ZNF521: variants seen among roughly 807,000 people sequenced by gnomAD.
ZNF521 encodes the protein LYST-interacting protein 3.
In ZNF521, 14 loss-of-function variants were observed where a neutral mutation model predicts 105.5. That is an observed-to-expected ratio of 0.13 (90% CI 0.09 to 0.21). The LOEUF (loss-of-function observed/expected upper bound fraction) is 0.21, where lower values mean the gene tolerates loss of function less well. ZNF521 is among the 10% of genes least tolerant of loss of function. ZNF521 has a pLI of 1.00. For synonymous variants in ZNF521, 635 were observed against 606.0 expected (o/e 1.05, Z -0.70); for missense variants, 1,233 against 1,629.7 (o/e 0.76, Z 4.19).
At chr18:25,290,121 A>AT (rs1910930073) in intron 3 of ZNF521, among the ~76,000 whole-genome samples, 1 of 152,208 alleles carries the variant, frequency 6.6e-6, no homozygotes, top group Non-Finnish European at 1.5e-5. Flanking sequence ...TTTGTTTGCA[A>AT]TTTTCATAGC....
chr18:25,088,308 C>T (rs968223636), intron 7 of ZNF521, among the ~76,000 whole-genome samples: 8 of 150,854 alleles, frequency 5.3e-5, no homozygotes, highest in East Asian at 2.0e-4. Context: ...CTCCGCCTCC[C>T]GGGTTCATGC....
intron 4 of ZNF521, among the ~76,000 whole-genome samples, chr18:25,199,999 G>A (rs1047120072): frequency 1.3e-5 from 2 of 151,928 alleles, no homozygotes; most frequent in Non-Finnish European, 2.9e-5. Context: ...AAACAGTCCT[G>A]TTAAGAGTAG....
At chr18:25,349,207 C>T (rs139163969) in intron 2 of ZNF521, among the ~76,000 whole-genome samples, 1,625 of 152,274 alleles carry the variant, frequency 0.011, 20 homozygotes, top group Non-Finnish European at 0.017. Flanking sequence ...GAGGTTTGTC[C>T]TGGTACTTCG....
At chr18:25,236,968 G>T (rs373752845) in intron 3 of ZNF521, among the ~76,000 whole-genome samples, 1 of 152,112 alleles carries the variant, frequency 6.6e-6, no homozygotes, top group Non-Finnish European at 1.5e-5. Flanking sequence ...AAAATAAGGC[G>T]AATTATCAAT....
chr18:25,322,839 T>C (rs1477316390), intron 2 of ZNF521, among the ~76,000 whole-genome samples: 1 of 152,168 alleles, frequency 6.6e-6, no homozygotes, highest in African/African-American at 2.4e-5. Context: ...AAATAAGATA[T>C]ATGAAAAACA....
rs578231081 is a variant in ZNF521, at chr18:25,131,632, T to C, written c.3659-39551A>G. ...CCTTTAGAAAACCACTGTGTTGCAT[T>C]TGTCTTTATATCCCTCGTATCTAGC... On this transcript the variant is annotated intron_variant, in intron 5 of 7. Coordinates refer to ENST00000361524, the MANE Select transcript of ZNF521 (RefSeq NM_015461.3). Among the ~76,000 whole-genome samples the C allele has an allele frequency of 5.3e-5, 8 of 152,284 alleles. No homozygotes were observed. In the East Asian group the frequency reaches 1.5e-3, roughly 29 times the overall value.
At chr18:25,234,402 C>T (rs1316940277) in intron 3 of ZNF521, among the ~76,000 whole-genome samples, 1 of 152,088 alleles carries the variant, frequency 6.6e-6, no homozygotes. Context: ...TATATATGAC[C>T]TCATACCACA....
At chr18:25,213,575 T>A (rs1448382951) in intron 4 of ZNF521, among the ~76,000 whole-genome samples, 2 of 152,092 alleles carry the variant, frequency 1.3e-5, no homozygotes, top group Non-Finnish European at 2.9e-5. Flanking sequence ...AAATGTAAAA[T>A]CATGAATAAA....
chr18:25,320,449 G>A (rs931822498), intron 3 of ZNF521, among the ~76,000 whole-genome samples: 3 of 152,156 alleles, frequency 2.0e-5, no homozygotes, highest in African/African-American at 7.2e-5. Context: ...AGGATTACAG[G>A]TGTGAGCCAC....
At chr18:25,311,819 A>C (rs1912326751) in intron 3 of ZNF521, among the ~76,000 whole-genome samples, 1 of 152,216 alleles carries the variant, frequency 6.6e-6, no homozygotes, top group South Asian at 2.1e-4. Flanking sequence ...TACACAACTA[A>C]GGCAAAACAA....
At chr18:25,110,541 C>T (rs1353386378) in intron 5 of ZNF521, among the ~76,000 whole-genome samples, 4 of 152,078 alleles carry the variant, frequency 2.6e-5, no homozygotes, top group South Asian at 2.1e-4. Context: ...CACCCATGAA[C>T]GAGGTAGAAG....
intron 5 of ZNF521, among the ~76,000 whole-genome samples, chr18:25,113,761 G>GAC (rs10667710): frequency 0.28 from 28,431 of 102,226 alleles, 4,040 homozygotes; most frequent in East Asian, 0.38. Context: ...AGGACGGACG[G>GAC]ACACACACAC....
intron 5 of ZNF521, among the ~76,000 whole-genome samples, chr18:25,193,537 C>T (rs1447811552): frequency 1.3e-5 from 2 of 151,994 alleles, no homozygotes. Context: ...GCCACCAACA[C>T]AGTCTACTCA....
chr18:25,081,916 G>A (rs2033504524), intron 7 of ZNF521, among the ~76,000 whole-genome samples: 1 of 152,128 alleles, frequency 6.6e-6, no homozygotes, highest in Non-Finnish European at 1.5e-5. Context: ...TGTCCTATGT[G>A]ATTAACTTTC....
intron 5 of ZNF521, among the ~76,000 whole-genome samples, chr18:25,193,933 T>C (rs1473356482): frequency 6.6e-6 from 1 of 151,898 alleles, no homozygotes; most frequent in Non-Finnish European, 1.5e-5. Flanking sequence ...AGACCTATCA[T>C]TTGAAAACTA....
intron 5 of ZNF521, among the ~76,000 whole-genome samples, chr18:25,138,431 C>T (rs1013526682): frequency 4.2e-5 from 6 of 143,822 alleles, no homozygotes; most frequent in Admixed American, 7.5e-5. Context: ...ACACGAGAAA[C>T]GGATCATTAA....
At position 25,226,291 on chromosome 18, in the gene ZNF521, G is replaced by C; in HGVS notation, c.1627C>G (p.Arg543Gly). Residue 543 changes from arginine (R) to glycine (G), a missense_variant, in exon 4 of 8, where the codon CGA (arginine) becomes GGA (glycine). By Grantham distance (125) the Arg-to-Gly change is moderately radical. Transcript: ENST00000361524. This position sits in a 1 kb window ranked among gnomAD's most constrained non-coding sequence, Gnocchi z 4.1. ...RQVHCDLSGS[R>G]FGSPVLGTPK... ...GTCCCAAGCACTGGAGACCCAAATC[G>C]GGAGCCACTGAGGTCACAATGAACC... The C allele has an allele frequency of 1.2e-6, 2 of 1,614,126 alleles. No homozygotes were observed. Among genetic ancestry groups the C allele is most frequent in the Non-Finnish European group, 1.7e-6 (2 of 1,180,024 alleles).
Position 25,322,068 on chromosome 18 carries a change from G to C in ZNF521, c.160C>G (p.Gln54Glu). 6.2e-7 allele frequency: 1 copy of C among 1,614,172 alleles called. No individual in the cohort carries two copies. Among genetic ancestry groups the C allele is most frequent in the African/African-American group, 1.3e-5 (1 of 75,046 alleles). Residue 54 changes from glutamine to glutamate, a missense_variant, in exon 3 of 8, where the codon CAG becomes GAG. Physicochemically the swap from Gln to Glu is conservative, Grantham distance 29. Coordinates refer to ENST00000361524, the MANE Select transcript of ZNF521 (RefSeq NM_015461.3). ...ATATCGCTCAGCGATTCAAACACCT[G>C]GAGGCAGCTGTCACAGCTGTGCACA... The part of the protein sequence containing the change: ...EAVHSCDSCL[Q>E]VFESLSDITE...
At chr18:25,173,513 C>G (rs368030059) in intron 5 of ZNF521, among the ~76,000 whole-genome samples, 2 of 152,146 alleles carry the variant, frequency 1.3e-5, no homozygotes, top group East Asian at 3.8e-4. Flanking sequence ...AACCACCCCA[C>G]GTGCACTTCT....
Sources: allele counts gnomAD v4.1 joint callset (sites outside exome capture counted in the v4.1 genomes callset), GRCh38; gene constraint gnomAD v4.1.1; non-coding constraint Gnocchi (gnomAD v3.1); transcripts MANE v1.5; gene names NCBI Gene and HGNC (gene_info 2026-07-23, HGNC 2026-07-21).